PDCD10: variants seen among roughly 807,000 people sequenced by gnomAD.
PDCD10 encodes programmed cell death protein 10.
A neutral mutation model predicts 29.2 loss-of-function variants in PDCD10; 4 were observed. The ratio of observed to expected loss-of-function variants is 0.14; its 90% CI spans 0.07 to 0.31. PDCD10 has a LOEUF of 0.31. Among genes scored for constraint, PDCD10 ranks in the 10% least tolerant of loss-of-function variants. The pLI is 1.00. For synonymous variants in PDCD10, 70 were observed against 82.2 expected, an observed-to-expected ratio of 0.85 and a Z score of 0.80; for missense variants, 183 against 257.9, an observed-to-expected ratio of 0.71 and a Z score of 1.99.
At chr3:167,727,528 GTTGT>G (rs1234307983) in intron 2 of PDCD10, among the ~76,000 whole-genome samples, 2 of 152,118 alleles carry the variant, frequency 1.3e-5, no homozygotes, top group African/African-American at 4.8e-5. Context: ...TAGTTGAATA[GTTGT>G]TTGGTGTTTA....
chr3:167,726,425 T>G (rs1724187152), intron 2 of PDCD10, among the ~76,000 whole-genome samples: 1 of 152,038 alleles, frequency 6.6e-6, no homozygotes, highest in African/African-American at 2.4e-5. Context: ...ATACAGAAAT[T>G]TATAAAATGG....
chr3:167,729,912 CT>C (rs1724622355), intron 2 of PDCD10, among the ~76,000 whole-genome samples: 1 of 152,192 alleles, frequency 6.6e-6, no homozygotes, highest in East Asian at 1.9e-4. Context: ...TTTTCTTTTT[CT>C]TTTAACCCTA....
At chr3:167,711,181 G>C (rs1722485392) in intron 3 of PDCD10, among the ~76,000 whole-genome samples, 1 of 152,094 alleles carries the variant, frequency 6.6e-6, no homozygotes, top group South Asian at 2.1e-4. Flanking sequence ...AACTAAATAA[G>C]GCACCAGGGA....
At chr3:167,703,690 TA>T (rs1404359593) in intron 4 of PDCD10, among the ~76,000 whole-genome samples, 2 of 152,128 alleles carry the variant, frequency 1.3e-5, no homozygotes, top group African/African-American at 4.8e-5. Context: ...GAGGACCAGA[TA>T]AAAGTTTTAT....
At chr3:167,731,284 A>C (rs1350329764) in intron 2 of PDCD10, among the ~76,000 whole-genome samples, 2 of 152,232 alleles carry the variant, frequency 1.3e-5, no homozygotes, top group Non-Finnish European at 2.9e-5. Context: ...TATCGCTTGC[A>C]AAAAGCAGGA....
At chr3:167,685,705 G>A (rs1719548323) in intron 8 of PDCD10, among the ~76,000 whole-genome samples, 1 of 152,020 alleles carries the variant, frequency 6.6e-6, no homozygotes, top group African/African-American at 2.4e-5. Context: ...TTCCATAATA[G>A]TAATTTAAAA....
At chr3:167,687,358 G>A (rs113975688) in intron 7 of PDCD10, 42 bp from the exon 8 acceptor site, 676 of 1,191,258 alleles carry the variant, frequency 5.7e-4, no homozygotes, top group Non-Finnish European at 7.8e-4. Context: ...TACTAAATAA[G>A]AGAAATAATC....
intron 2 of PDCD10, among the ~76,000 whole-genome samples, chr3:167,728,033 G>T (rs1051592313): frequency 1.4e-4 from 21 of 152,168 alleles, no homozygotes; most frequent in African/African-American, 4.3e-4. Flanking sequence ...CTTACAAGAA[G>T]AAATTAGGGC....
At chr3:167,697,245 A>C in intron 4 of PDCD10, 119 bp from the exon 5 acceptor site, 1 of 663,252 alleles carries the variant, frequency 1.5e-6, no homozygotes, top group Non-Finnish European at 2.7e-6. Flanking sequence ...TAAGGGCAGA[A>C]ATCTTTGTAA....
At chr3:167,729,466 C>T (rs1288415618) in intron 2 of PDCD10, among the ~76,000 whole-genome samples, 2 of 152,160 alleles carry the variant, frequency 1.3e-5, no homozygotes, top group African/African-American at 4.8e-5. Flanking sequence ...AACATGGTCT[C>T]TTGAGTCAGC....
intron 6 of PDCD10, among the ~76,000 whole-genome samples, chr3:167,695,366 T>A (rs933509673): frequency 6.6e-6 from 1 of 152,190 alleles, no homozygotes; most frequent in Non-Finnish European, 1.5e-5. Context: ...TAGTTCAAAC[T>A]ACATTCCAGT....
chr3:167,730,775 T>C (rs1724724353), intron 2 of PDCD10: 1 of 152,138 alleles, frequency 6.6e-6, no homozygotes, highest in African/African-American at 2.4e-5. Flanking sequence ...TAAAATTCAG[T>C]TTGTATGTTT....
rs142579343 is a variant in PDCD10, at chr3:167,684,993, T to C, written c.558-604A>G. On this transcript the variant is annotated intron_variant, in intron 8 of 8. Coordinates refer to ENST00000392750, the MANE Select transcript of PDCD10 (RefSeq NM_007217.4). ...AAACTGGCTTTGAGCCCCACCACAT[T>C]CTCCTAATGGCTCATCTTCATGCAG... is the stretch of plus-strand genomic sequence containing the variant. Among the ~76,000 whole-genome samples the C allele has an allele frequency of 1.7e-4, 26 of 151,998 alleles. No individual in the cohort carries two copies. In the East Asian group the frequency reaches 4.5e-3, roughly 26 times the overall value.
chr3:167,732,183 A>G (rs1242599990), intron 2 of PDCD10, among the ~76,000 whole-genome samples: 1 of 152,324 alleles, frequency 6.6e-6, no homozygotes, highest in Non-Finnish European at 1.5e-5. Context: ...CTGTAGTCAG[A>G]AGATCTCGAT....
rs371594832 is a variant in PDCD10 at position 167,684,259 on chromosome 3, G to C, written c.*49C>G. On this transcript the variant is annotated 3_prime_UTR_variant, in exon 9 of 9. Coordinates refer to ENST00000392750, the MANE Select transcript of PDCD10 (RefSeq NM_007217.4). ...CAAACTTTAAAATTTACAGATAAAG[G>C]CAGTTCAATACTGCCACTGAGAAGT... is the stretch of plus-strand genomic sequence containing the variant. 5.2e-5 allele frequency: 51 copies of C among 973,614 alleles called. No individual in the cohort carries two copies. The highest frequency in any genetic ancestry group is 2.2e-4 in the Middle Eastern group (1 of 4,512). The allele number at this position is 973,614 out of a possible 1,614,324, so 60.3% of individuals were successfully genotyped here. A position where few individuals can be genotyped will look rare whatever the true frequency, so the allele number is the denominator to read the frequency against.
intron 3 of PDCD10, among the ~76,000 whole-genome samples, chr3:167,708,408 G>A (rs1053130315): frequency 4.6e-5 from 7 of 152,120 alleles, no homozygotes; most frequent in African/African-American, 9.7e-5. Flanking sequence ...AACTGGTTTT[G>A]AATTGTGTAC....
At position 167,684,329 on chromosome 3, in the gene PDCD10, C is replaced by G; in HGVS notation, c.618G>C (p.Gln206His). ...ACTTTCAGGCCACAGTTTTGAAGGT[C>G]TGAAGTATTAAGTTGGTTTGATGAA... ...RLIHQTNLIL[Q>H]TFKTVA The change falls in exon 9 of 9, where the codon CAG (glutamine) becomes CAC (histidine). Residue 206 changes from glutamine to histidine, a missense_variant. Gln to His is a conservative substitution (Grantham distance 24, BLOSUM62 0). Transcript: ENST00000392750. The G allele has an allele frequency of 6.2e-7, 1 of 1,600,748 alleles. No individual in the cohort carries two copies. Among genetic ancestry groups the G allele is most frequent in the Non-Finnish European group, 8.6e-7 (1 of 1,168,336 alleles).
chr3:167,708,642 ATCAAGAAG>A (rs1435821381), intron 3 of PDCD10, among the ~76,000 whole-genome samples: 1 of 152,234 alleles, frequency 6.6e-6, no homozygotes, highest in African/African-American at 2.4e-5. Context: ...AAGTAATGGA[ATCAAGAAG>A]TCACTTATTA....
intron 6 of PDCD10, among the ~76,000 whole-genome samples, chr3:167,692,710 A>C (rs1265527460): frequency 2.0e-5 from 3 of 152,212 alleles, no homozygotes; most frequent in Non-Finnish European, 4.4e-5. Flanking sequence ...CAAGGTCAAG[A>C]GATCGAGACC....
Sources: allele counts gnomAD v4.1 joint callset (sites outside exome capture counted in the v4.1 genomes callset), GRCh38; gene constraint gnomAD v4.1.1; transcripts MANE v1.5; gene names NCBI Gene and HGNC (gene_info 2026-07-23, HGNC 2026-07-21).